Variants in FARSB observed in about 807,000 individuals in gnomAD.
FARSB encodes phenylalanyl-tRNA synthetase subunit beta.
A neutral mutation model predicts 69.6 loss-of-function variants in FARSB; 40 were observed. The ratio of observed to expected loss-of-function variants is 0.57; its 90% confidence interval spans 0.45 to 0.75. The LOEUF (loss-of-function observed/expected upper bound fraction) is 0.75. FARSB is among the 30% of genes least tolerant of loss of function. FARSB has a pLI of 0.00. For synonymous variants in FARSB, 235 were observed against 247.2 expected (o/e 0.95, Z 0.46); for missense variants, 632 against 722.9 (o/e 0.87, Z 1.44).
Position 222,630,182 on chromosome 2 carries a change from GAAAAGA to G in FARSB, c.787-14_787-9del, listed in dbSNP as rs1303615414. ...ATCAAGAACTATTTTTGCCTGCAAA[GAAAAGA>G]AAAACAAATATAGTAATCTATAAAT... is the stretch of plus-strand genomic sequence containing the variant. On this transcript the variant is annotated splice_polypyrimidine_tract_variant and intron_variant, in intron 8 of 16. Transcript: ENST00000281828. The G allele has an allele frequency of 4.9e-6, 7 of 1,435,390 alleles. No homozygotes were observed. Among genetic ancestry groups the G allele is most frequent in the African/African-American group, 2.9e-5 (2 of 68,052 alleles). 88.9% of individuals were successfully genotyped at this position (1,435,390 alleles called of 1,614,324 possible).
chr2:222,639,762 G>T, intron 4 of FARSB, 67 bp from the exon 5 acceptor site: 1 of 616,986 alleles, frequency 1.6e-6, no homozygotes, highest in South Asian at 3.4e-5. Flanking sequence ...CTTGTAATAG[G>T]AAGGTAGCTG....
chr2:222,586,750 G>A (rs368450314), intron 16 of FARSB, among the ~76,000 whole-genome samples: 1 of 152,138 alleles, frequency 6.6e-6, no homozygotes, highest in Non-Finnish European at 1.5e-5. Context: ...AAGATCAAAA[G>A]AGACAAAGAA....
chr2:222,583,083 AG>A (rs1690014894), intron 16 of FARSB, among the ~76,000 whole-genome samples: 1 of 152,172 alleles, frequency 6.6e-6, no homozygotes, highest in Admixed American at 6.5e-5. Flanking sequence ...GGACACAGGG[AG>A]GGGAACATGT....
intron 10 of FARSB, among the ~76,000 whole-genome samples, chr2:222,628,426 C>G (rs555549030): frequency 2.0e-5 from 3 of 152,166 alleles, no homozygotes; most frequent in Admixed American, 2.0e-4. Context: ...TAAATATGTA[C>G]AATTATTATG....
chr2:222,584,639 C>T (rs907934544), intron 16 of FARSB, among the ~76,000 whole-genome samples: 2 of 152,340 alleles, frequency 1.3e-5, no homozygotes, highest in African/African-American at 4.8e-5. Context: ...GCCACTCCCA[C>T]CCTAGTACTG....
chr2:222,631,011 C>T (rs1287225336), intron 8 of FARSB, among the ~76,000 whole-genome samples: 1 of 152,090 alleles, frequency 6.6e-6, no homozygotes, highest in African/African-American at 2.4e-5. Flanking sequence ...TAACTGCCAC[C>T]TCATTTAACA....
At chr2:222,601,388 G>A (rs1690555025) in intron 15 of FARSB, among the ~76,000 whole-genome samples, 1 of 151,540 alleles carries the variant, frequency 6.6e-6, no homozygotes, top group African/African-American at 2.4e-5. Flanking sequence ...ACCAACCTGG[G>A]CAACATAGCA....
At chr2:222,591,161 C>A (rs1203119794) in intron 16 of FARSB, among the ~76,000 whole-genome samples, 1 of 149,736 alleles carries the variant, frequency 6.7e-6, no homozygotes, top group African/African-American at 2.5e-5. Flanking sequence ...GAGCTATGAT[C>A]ATCAAGCCAG....
At chr2:222,573,995 A>G (rs1329963140) in intron 16 of FARSB, among the ~76,000 whole-genome samples, 1 of 152,214 alleles carries the variant, frequency 6.6e-6, no homozygotes, top group Admixed American at 6.5e-5. Flanking sequence ...CCATCCTTTC[A>G]TCTATCTTCA....
At chr2:222,584,317 A>T (rs770402631) in intron 16 of FARSB, among the ~76,000 whole-genome samples, 52 of 152,230 alleles carry the variant, frequency 3.4e-4, no homozygotes, top group Admixed American at 6.5e-5. Context: ...AGTTGCTTAA[A>T]GGGAGTTTCC....
chr2:222,606,716 A>G (rs886503265), intron 15 of FARSB, among the ~76,000 whole-genome samples: 8 of 152,204 alleles, frequency 5.3e-5, no homozygotes, highest in Non-Finnish European at 1.2e-4. Context: ...TATAACTCAA[A>G]TTTTTCAAAT....
At chr2:222,615,870 C>CA (rs1345128194) in intron 14 of FARSB, among the ~76,000 whole-genome samples, 2 of 152,090 alleles carry the variant, frequency 1.3e-5, no homozygotes, top group Non-Finnish European at 2.9e-5. Flanking sequence ...GGCAAGTGCC[C>CA]AAACCATTCA....
intron 16 of FARSB, among the ~76,000 whole-genome samples, chr2:222,594,857 G>A (rs956435533): frequency 2.6e-5 from 4 of 152,178 alleles, no homozygotes; most frequent in Admixed American, 6.5e-5. Context: ...AGAGAGTGAG[G>A]CAAGAGCAGT....
intron 16 of FARSB, among the ~76,000 whole-genome samples, chr2:222,580,855 A>T (rs1689949531): frequency 6.6e-6 from 1 of 152,110 alleles, no homozygotes; most frequent in Non-Finnish European, 1.5e-5. Context: ...AAATATAGTG[A>T]CTCGGAAGGG....
At chr2:222,626,063 G>A (rs1691261840) in intron 10 of FARSB, among the ~76,000 whole-genome samples, 1 of 151,810 alleles carries the variant, frequency 6.6e-6, no homozygotes, top group Admixed American at 6.6e-5. Flanking sequence ...CCTGGCCAAT[G>A]TAGTGAAACC....
rs1327593512 is a variant in FARSB, at chr2:222,572,373, A to T, written c.1619-351T>A. On this transcript the variant is annotated intron_variant, in intron 16 of 16. Coordinates refer to ENST00000281828, the MANE Select transcript of FARSB (RefSeq NM_005687.5). ...AACTGGTCCTAAAAAGGCCAAAAGG[A>T]AAAAAATGAAACATAAAACTGATGA... is the stretch of plus-strand genomic sequence containing the variant. Among the ~76,000 whole-genome samples the T allele has an allele frequency of 2.0e-5, 3 of 152,262 alleles. No homozygotes were observed. In the East Asian group the frequency reaches 5.8e-4, roughly 29 times the overall value.
rs13010830 is a variant in FARSB, at chr2:222,633,500, T to A, written c.607-193A>T. Among the ~76,000 whole-genome samples the A allele has an allele frequency of 0.29, 43,378 of 151,488 alleles. 6,432 individuals are homozygous for A. Among genetic ancestry groups the A allele is most frequent in the Middle Eastern group, 0.44 (130 of 294 alleles). ...GAGTTCAAGACCAGCCTGACCAACA[T>A]GGAGAAACCCCATCTCAACTAAAAA... On this transcript the variant is annotated intron_variant, in intron 6 of 16. Coordinates refer to ENST00000281828, the MANE Select transcript of FARSB (RefSeq NM_005687.5).
intron 16 of FARSB, among the ~76,000 whole-genome samples, chr2:222,588,614 T>A (rs1690184103): frequency 6.6e-6 from 1 of 152,168 alleles, no homozygotes; most frequent in African/African-American, 2.4e-5. Context: ...GAAAACCCCA[T>A]CGTCTCAGCC....
At chr2:222,627,068 C>G (rs1485517006) in intron 10 of FARSB, among the ~76,000 whole-genome samples, 1 of 152,102 alleles carries the variant, frequency 6.6e-6, no homozygotes, top group African/African-American at 2.4e-5. Context: ...GAAAAAGAAA[C>G]TTTTCTCTGG....
Sources: gnomAD v4.1 joint callset for allele counts (sites outside exome capture counted in the v4.1 genomes callset) on GRCh38, gnomAD v4.1.1 for gene constraint, MANE v1.5 for transcripts, NCBI Gene and HGNC (gene_info 2026-07-23, HGNC 2026-07-21) for gene names.